The following SH3D21 variants were observed in gnomAD, a reference collection of about 807,000 sequenced individuals.
SH3D21 encodes the protein manchette microtubule inner protein 1.
SH3D21 carries 83 observed loss-of-function variants against 82.1 expected under a neutral mutation model. That is an observed-to-expected ratio of 1.01 (90% CI 0.85 to 1.21). The LOEUF (loss-of-function observed/expected upper bound fraction) is 1.21. Ranked by LOEUF, SH3D21 falls within the 50% of genes most tolerant of loss-of-function variation. The pLI is 0.00. For synonymous variants in SH3D21, 383 were observed against 387.8 expected (o/e 0.99, Z 0.15); for missense variants, 980 against 962.1 (o/e 1.02, Z -0.25).
downstream of SH3D21, chr1:36,327,859 GC>G (rs1005778056): frequency 7.8e-7 from 1 of 1,289,652 alleles, no homozygotes; most frequent in Non-Finnish European, 1.0e-6. Context: ...TGGTCCACAT[GC>G]CCTCCCCACC....
In SH3D21 at chr1:36,309,284, CCT is replaced by C. The variant is rs1243428884; in HGVS notation, c.727-260_727-259del. 3.3e-5 allele frequency among the ~76,000 whole-genome samples: 5 copies of C among 151,970 alleles called. 1 individual carries two copies. The East Asian group carries it at 9.6e-4, about 29-fold the overall frequency. On this transcript the variant is annotated intron_variant, in intron 9 of 15. Transcript: ENST00000453908. ...GGATCGCCACTCACTGCAACCTCCC[CCT>C]CTCAGGTTCAAGCGACTCTCCTGCC...
At chr1:36,311,584 TGTA>T (rs1646242558) in intron 10 of SH3D21, among the ~76,000 whole-genome samples, 2 of 152,328 alleles carry the variant, frequency 1.3e-5, no homozygotes, top group Non-Finnish European at 2.9e-5. Context: ...CTTTTATTCA[TGTA>T]GTAGTGATTT....
chr1:36,316,175 C>T (rs967436574), intron 10 of SH3D21, among the ~76,000 whole-genome samples: 1 of 152,168 alleles, frequency 6.6e-6, no homozygotes, highest in Non-Finnish European at 1.5e-5. Flanking sequence ...ATCTGTGGGA[C>T]TCTTGCAGGC....
chr1:36,306,396 G>A lies in SH3D21; in HGVS notation c.-25G>A. The A allele has an allele frequency of 7.7e-7, 1 of 1,305,430 alleles. No individual in the cohort carries two copies. The highest frequency in any genetic ancestry group is 1.2e-5 in the South Asian group (1 of 81,036). 80.9% of individuals were successfully genotyped at this position (1,305,430 alleles called of 1,614,324 possible). ...ACTCGGCCGTCAGAGGGAGCTGCCA[G>A]GCTCTGGAGGGCGCCCCGGAAACCA... is the stretch of plus-strand genomic sequence containing the variant. On this transcript the variant is annotated 5_prime_UTR_variant, in exon 1 of 16. Coordinates refer to ENST00000453908, the MANE Select transcript of SH3D21 (RefSeq NM_001162530.2). This position sits in a 1 kb window ranked among gnomAD's most constrained non-coding sequence, Gnocchi z 4.5.
downstream of SH3D21, chr1:36,327,946 C>T (rs145729678): frequency 6.3e-4 from 695 of 1,101,950 alleles, 6 homozygotes; most frequent in African/African-American, 8.4e-3. Context: ...CCACCCGCTT[C>T]GGATCTCTGC....
At chr1:36,322,893 G>C, downstream of SH3D21, 6 of 1,567,742 alleles carry the variant, frequency 3.8e-6, no homozygotes, top group Non-Finnish European at 5.2e-6. Flanking sequence ...CGGAGGGGAC[G>C]GACAAGGCGC....
Position 36,320,649 on chromosome 1 carries a change from G to A in SH3D21, c.1986G>A (p.Pro662=). 4 of 1,614,236 alleles carry A rather than the reference G, an allele frequency of 2.5e-6. No individual in the cohort carries two copies. The highest frequency in any genetic ancestry group is 3.4e-6 in the Non-Finnish European group (4 of 1,180,050). ...CCCAAAAAACACGTCCTATCAAGCC[G>A]CCTCCAGACTCCCAAGAGACGCTCG... ...AFAQKTRPIK[P]PPDSQETLAL... The change falls in exon 14 of 16, where the codon CCG becomes CCA. Residue 662 remains proline, a synonymous_variant. Transcript: ENST00000453908.
Position 36,319,764 on chromosome 1 carries a change from T to C in SH3D21, c.1101T>C (p.Ala367=). The C allele has an allele frequency of 6.2e-7, 1 of 1,607,134 alleles. No individual in the cohort carries two copies. Among genetic ancestry groups the C allele is most frequent in the Non-Finnish European group, 8.5e-7 (1 of 1,177,576 alleles). ...CTGCCACCCCAGAGAGGCCCCCAGC[T>C]CCAGAGAACGCCCCCAGCTCCAAGA... The part of the protein sequence containing the change: ...DKTATPERPP[A]PENAPSSKKI... The change falls in exon 14 of 16, where the codon GCT becomes GCC. Residue 367 remains alanine, a synonymous_variant. Transcript: ENST00000453908.
downstream of SH3D21, chr1:36,321,691 G>T: frequency 2.0e-6 from 2 of 1,017,754 alleles, no homozygotes; most frequent in Non-Finnish European, 2.4e-6. The surrounding 1 kb of genome is among the most constrained non-coding windows in gnomAD (Gnocchi z 6.1). Context: ...CTCGAGGTCA[G>T]GGTCCTGAGG....
Position 36,320,407 on chromosome 1 carries a change from C to A in SH3D21, c.1744C>A (p.His582Asn), listed in dbSNP as rs764229188. The change falls in exon 14 of 16, where the codon CAC (histidine) becomes AAC (asparagine). Residue 582 changes from histidine (H) to asparagine (N), a missense_variant. Coordinates refer to ENST00000453908, the MANE Select transcript of SH3D21 (RefSeq NM_001162530.2). ...SRPALEKPHP[H>N]EEATTLPEEA... ...GCCTGCCCTTGAGAAGCCCCACCCC[C>A]ACGAAGAGGCTACAACCCTTCCAGA... 3.1e-6 allele frequency: 5 copies of A among 1,613,446 alleles called. No homozygotes were observed. The highest frequency in any genetic ancestry group is 4.2e-6 in the Non-Finnish European group (5 of 1,179,872).
At chr1:36,324,048 C>T (rs527957597), downstream of SH3D21, 4 of 152,276 alleles carry the variant, frequency 2.6e-5, no homozygotes, top group African/African-American at 9.7e-5. Context: ...CACCGCTCCC[C>T]CTCCTAGGAG....
At chr1:36,313,967 A>ATTTT (rs1207014644) in intron 10 of SH3D21, among the ~76,000 whole-genome samples, 4 of 36,934 alleles carry the variant, frequency 1.1e-4, no homozygotes, top group African/African-American at 2.1e-4. Flanking sequence ...TGCTGAACAT[A>ATTTT]TTTTCTTTTT....
chr1:36,307,875 G>C lies in SH3D21; in HGVS notation c.493-43G>C. On this transcript the variant is annotated intron_variant, in intron 6 of 15. Coordinates refer to ENST00000453908, the MANE Select transcript of SH3D21 (RefSeq NM_001162530.2). This position sits in a 1 kb window ranked among gnomAD's most constrained non-coding sequence, Gnocchi z 5.4. ...GAGGTGGTGAGTTCCTCTTGGGGTGGTTGGAGGCTCATCTAGTTCCTCCCT... is the reference window on the plus strand; with the variant it reads ...GAGGTGGTGAGTTCCTCTTGGGGTGCTTGGAGGCTCATCTAGTTCCTCCCT... The C allele has an allele frequency of 6.4e-7, 1 of 1,551,704 alleles. No homozygotes were observed. Among genetic ancestry groups the C allele is most frequent in the East Asian group, 2.4e-5 (1 of 40,910 alleles).
At chr1:36,322,418 C>T (rs1570411351), downstream of SH3D21, 2 of 1,602,178 alleles carry the variant, frequency 1.2e-6, no homozygotes, top group East Asian at 2.2e-5. Flanking sequence ...CGCGCTCCTC[C>T]AGCCGCTGCG....
Position 36,321,322 on chromosome 1 carries a change from C to A in SH3D21, c.*195C>A. 2 of 1,431,478 alleles carry A rather than the reference C, an allele frequency of 1.4e-6. No homozygotes were observed. The highest frequency in any genetic ancestry group is 1.8e-6 in the Non-Finnish European group (2 of 1,097,446). The allele number at this position is 1,431,478 out of a possible 1,614,324, so 88.7% of individuals were successfully genotyped here. ...GACGGTCCCTCCCAGGCACATCTGG[C>A]CAACATGTGGCTCCCATTACCGTTC... On this transcript the variant is annotated 3_prime_UTR_variant, in exon 16 of 16. Coordinates refer to ENST00000453908, the MANE Select transcript of SH3D21 (RefSeq NM_001162530.2). This position sits in a 1 kb window ranked among gnomAD's most constrained non-coding sequence, Gnocchi z 6.1.
At chr1:36,317,544 C>T (rs1377233294) in intron 10 of SH3D21, among the ~76,000 whole-genome samples, 1 of 152,080 alleles carries the variant, frequency 6.6e-6, no homozygotes, top group African/African-American at 2.4e-5. Flanking sequence ...AAAATGGTTC[C>T]TTCCTCTGCC....
chr1:36,307,419 AG>A lies in SH3D21; in HGVS notation c.346-95del. 6.6e-7 allele frequency: 1 copy of A among 1,504,122 alleles called. No individual in the cohort carries two copies. Among genetic ancestry groups the A allele is most frequent in the East Asian group, 2.5e-5 (1 of 40,400 alleles). 93.2% of individuals were successfully genotyped at this position (1,504,122 alleles called of 1,614,324 possible). On this transcript the variant is annotated intron_variant, in intron 4 of 15. Transcript: ENST00000453908. The surrounding 1 kb of genome is among the most constrained non-coding windows in gnomAD (Gnocchi z 5.4). ...ATACGGGGAAGCGCGGGAGGGAAGG[AG>A]GGAGGAAGGGGCGCTTGGGCAGAAC... is the stretch of plus-strand genomic sequence containing the variant.
In SH3D21 at chr1:36,320,911, G is replaced by A. The variant is rs779179735; in HGVS notation, c.2136-4G>A. On this transcript the variant is annotated splice_polypyrimidine_tract_variant and splice_region_variant and intron_variant, in intron 14 of 15. Transcript: ENST00000453908. ...CAGCCCCTCACCTCCGCCTCGGCCC[G>A]CAGGAGGAAGCTGACCGACATCTGG... 31 of 1,561,142 alleles carry A rather than the reference G, an allele frequency of 2.0e-5. No individual in the cohort carries two copies. The highest frequency in any genetic ancestry group is 1.7e-4 in the Middle Eastern group (1 of 6,022).
At chr1:36,322,613 C>A, downstream of SH3D21, 1 of 1,549,732 alleles carries the variant, frequency 6.5e-7, no homozygotes, top group East Asian at 2.4e-5. Flanking sequence ...GAGCCGGGCC[C>A]CGGGGCCGCG....
Sources: allele counts gnomAD v4.1 joint callset (sites outside exome capture counted in the v4.1 genomes callset), GRCh38; gene constraint gnomAD v4.1.1; non-coding constraint Gnocchi (gnomAD v3.1); transcripts MANE v1.5; gene names NCBI Gene and HGNC (gene_info 2026-07-23, HGNC 2026-07-21).